Variants in SRL observed in about 807,000 individuals in gnomAD.
The protein encoded by SRL is sarcalumenin.
In SRL, 23 loss-of-function variants were observed where a neutral mutation model predicts 39.5. The ratio of observed to expected loss-of-function variants is 0.58; its 90% CI spans 0.42 to 0.82. SRL has a LOEUF of 0.82. Ranked by LOEUF, SRL falls within the 40% of genes least tolerant of loss-of-function variation. The probability of loss-of-function intolerance (pLI) is 0.00; values close to 1 mark genes in which losing one functional copy is unlikely to be tolerated. For missense variants in SRL, 592 were observed against 607.8 expected, an observed-to-expected ratio of 0.97 and a Z score of 0.27; for synonymous variants, 272 against 237.4, an observed-to-expected ratio of 1.15 and a Z score of -1.34.
chr16:4,216,957 T>C (rs541099598), intron 1 of SRL, among the ~76,000 whole-genome samples: 84 of 152,268 alleles, frequency 5.5e-4, no homozygotes, highest in African/African-American at 1.8e-3. Context: ...GGAGCGTGGC[T>C]CCCGCAGGTC....
Position 4,199,692 on chromosome 16 carries a change from C to CTTTTTT in SRL, c.260-1778_260-1777insAAAAAA, listed in dbSNP as rs201684866. ...GCCCCTCCCCATCTTCTTTTCTTTT[C>CTTTTTT]CTTTTTTTTTTTTTTTTTTTTTGAG... On this transcript the variant is annotated intron_variant, in intron 3 of 5. Transcript: ENST00000399609. Among the ~76,000 whole-genome samples, 62 of 111,508 alleles carry CTTTTTT rather than the reference C, an allele frequency of 5.6e-4. 1 individual carries two copies. The highest frequency in any genetic ancestry group is 1.9e-3 in the African/African-American group (55 of 29,620). The allele number at this position is 111,508 out of a possible 152,430, so 73.2% of individuals were successfully genotyped here. A position where few individuals can be genotyped will look rare whatever the true frequency, so the allele number is the denominator to read the frequency against.
At chr16:4,239,076 T>C (rs1440813087) in intron 1 of SRL, among the ~76,000 whole-genome samples, 3 of 152,166 alleles carry the variant, frequency 2.0e-5, no homozygotes, top group Non-Finnish European at 4.4e-5. Context: ...CTGGGGTCTG[T>C]TCTCTCCCCA....
At chr16:4,207,827 G>A (rs1434085028) in intron 1 of SRL, 1 of 456,472 alleles carries the variant, frequency 2.2e-6, no homozygotes. Flanking sequence ...CAGCGTCCCT[G>A]TCGTCCCTTT....
chr16:4,216,921 C>A (rs560691870), intron 1 of SRL, among the ~76,000 whole-genome samples: 20 of 152,188 alleles, frequency 1.3e-4, no homozygotes, highest in Non-Finnish European at 1.9e-4. Flanking sequence ...GGGCCCCAGA[C>A]AGGAAAAGAC....
At chr16:4,233,057 A>G (rs1429262432) in intron 1 of SRL, among the ~76,000 whole-genome samples, 1 of 152,228 alleles carries the variant, frequency 6.6e-6, no homozygotes, top group Non-Finnish European at 1.5e-5. Context: ...GAAGCATCCA[A>G]AAATATCTGA....
chr16:4,232,621 C>A (rs1190432238), intron 1 of SRL, among the ~76,000 whole-genome samples: 1 of 152,148 alleles, frequency 6.6e-6, no homozygotes, highest in Admixed American at 6.5e-5. Context: ...AGAGATCCAC[C>A]TGCTCCAGCC....
At chr16:4,206,404 G>A (rs938826017) in intron 1 of SRL, among the ~76,000 whole-genome samples, 2 of 152,054 alleles carry the variant, frequency 1.3e-5, no homozygotes, top group African/African-American at 2.4e-5. Flanking sequence ...CGCTGGCCCC[G>A]GGGCACCAAT....
At chr16:4,240,334 T>C (rs550284112) in intron 1 of SRL, among the ~76,000 whole-genome samples, 1 of 152,226 alleles carries the variant, frequency 6.6e-6, no homozygotes, top group African/African-American at 2.4e-5. Context: ...ACTGTCATGA[T>C]GGGGGCGTGA....
rs1447278061 is a variant in SRL at position 4,189,831 on chromosome 16, T to C, written c.*2322A>G. ...TGCCCACACAGTTGTGCATCTTTTT[T>C]TGTTTTTCCCCTGACTACACAGAAA... On this transcript the variant is annotated 3_prime_UTR_variant, in exon 6 of 6. Coordinates refer to ENST00000399609, the MANE Select transcript of SRL (RefSeq NM_001098814.2). 5 of 155,866 alleles carry C rather than the reference T, an allele frequency of 3.2e-5. No homozygotes were observed. The highest frequency in any genetic ancestry group is 1.2e-4 in the African/African-American group (5 of 41,568). The allele number at this position is 155,866 out of a possible 1,614,324, so 9.7% of individuals were successfully genotyped here.
At chr16:4,193,969 T>C (rs894772311) in intron 5 of SRL, among the ~76,000 whole-genome samples, 1 of 151,096 alleles carries the variant, frequency 6.6e-6, no homozygotes, top group African/African-American at 2.4e-5. Flanking sequence ...ATATTACTAC[T>C]AATATTATTA....
intron 1 of SRL, among the ~76,000 whole-genome samples, chr16:4,230,514 G>A (rs1285442160): frequency 2.0e-5 from 3 of 151,690 alleles, no homozygotes; most frequent in African/African-American, 7.3e-5. Context: ...CCAAGTAGCT[G>A]GGATTACAGG....
At chr16:4,224,871 A>C (rs190164400) in intron 1 of SRL, among the ~76,000 whole-genome samples, 146 of 152,370 alleles carry the variant, frequency 9.6e-4, no homozygotes, top group African/African-American at 3.2e-3. Context: ...ATGGATAAAC[A>C]GAACATGGTC....
intron 1 of SRL, among the ~76,000 whole-genome samples, chr16:4,237,642 C>T (rs905982289): frequency 1.3e-5 from 2 of 152,138 alleles, no homozygotes; most frequent in Non-Finnish European, 2.9e-5. Context: ...CCCGCCACCC[C>T]ACTTCCATCT....
chr16:4,216,384 G>C (rs1486638515), intron 1 of SRL, among the ~76,000 whole-genome samples: 5 of 152,026 alleles, frequency 3.3e-5, no homozygotes, highest in African/African-American at 1.2e-4. Context: ...CGATTCTCCT[G>C]CCTCAGCCTC....
intron 1 of SRL, among the ~76,000 whole-genome samples, chr16:4,234,040 G>A (rs2052687561): frequency 6.6e-6 from 1 of 152,010 alleles, no homozygotes; most frequent in African/African-American, 2.4e-5. Context: ...TGTTGCCCAG[G>A]CTAGAGTATA....
At chr16:4,194,754 A>C (rs1266703787) in intron 5 of SRL, among the ~76,000 whole-genome samples, 1 of 152,132 alleles carries the variant, frequency 6.6e-6, no homozygotes, top group African/African-American at 2.4e-5. Flanking sequence ...TAGGAGCACC[A>C]GGCACTCCAA....
intron 1 of SRL, among the ~76,000 whole-genome samples, chr16:4,234,119 T>G (rs371667012): frequency 6.6e-6 from 1 of 152,200 alleles, no homozygotes; most frequent in African/African-American, 2.4e-5. Context: ...CTCAGCCCCC[T>G]GAGTAGCTGA....
At chr16:4,195,898 A>C in intron 4 of SRL, 112 bp from the exon 5 acceptor site, 4 of 853,324 alleles carry the variant, frequency 4.7e-6, no homozygotes, top group Non-Finnish European at 7.3e-6. Flanking sequence ...ACAGAATTGG[A>C]TATGTTTGCC....
intron 1 of SRL, among the ~76,000 whole-genome samples, chr16:4,225,132 G>A (rs1456444612): frequency 6.7e-6 from 1 of 149,090 alleles, no homozygotes; most frequent in Non-Finnish European, 1.5e-5. Flanking sequence ...TGTGCTAAAG[G>A]GCCCAGAGCT....
Sources: gnomAD v4.1 joint callset for allele counts (sites outside exome capture counted in the v4.1 genomes callset) on GRCh38, gnomAD v4.1.1 for gene constraint, MANE v1.5 for transcripts, NCBI Gene and HGNC (gene_info 2026-07-23, HGNC 2026-07-21) for gene names.